Variants in UBAC2 observed in about 807,000 individuals in gnomAD.
UBAC2 encodes the protein ubiquitin-associated domain-containing protein 2.
Under a neutral mutation model 44.0 loss-of-function variants are expected in UBAC2, and 26 were observed. That is an observed-to-expected ratio of 0.59 (90% confidence interval 0.43 to 0.82). The LOEUF is 0.82. Ranked by LOEUF, UBAC2 falls within the 40% of genes least tolerant of loss-of-function variation. The probability of loss-of-function intolerance (pLI) is 0.00; values close to 1 mark genes in which losing one functional copy is unlikely to be tolerated. For missense variants in UBAC2, 329 were observed against 419.4 expected (o/e 0.78, Z 1.88); for synonymous variants, 155 against 154.3 (o/e 1.00, Z -0.04).
intron 6 of UBAC2, among the ~76,000 whole-genome samples, chr13:99,326,533 T>A (rs2044642979): frequency 6.6e-6 from 1 of 152,194 alleles, no homozygotes; most frequent in South Asian, 2.1e-4. Flanking sequence ...CTTAATATTA[T>A]CAAAAAATAA....
chr13:99,210,222 G>A (rs1052863148), intron 1 of UBAC2, among the ~76,000 whole-genome samples: 5 of 152,120 alleles, frequency 3.3e-5, no homozygotes, highest in African/African-American at 1.2e-4. Context: ...AAATGAGTAC[G>A]TGTTCATCAG....
chr13:99,378,065 G>A (rs1177272952), intron 8 of UBAC2, among the ~76,000 whole-genome samples: 1 of 152,148 alleles, frequency 6.6e-6, no homozygotes, highest in African/African-American at 2.4e-5. Flanking sequence ...TAGTCCTTCA[G>A]TAAGCCCATC....
intron 4 of UBAC2, among the ~76,000 whole-genome samples, chr13:99,267,624 C>T (rs1282928522): frequency 6.6e-6 from 1 of 152,174 alleles, no homozygotes; most frequent in South Asian, 2.1e-4. Flanking sequence ...CTTCCACTTG[C>T]TACTGCTGCT....
chr13:99,338,047 C>CTTTTTTTTTTTTTTTTT lies in UBAC2; in HGVS notation c.562-2261_562-2245dup, dbSNP rs869112086. Reference sequence around the variant, plus strand: ...ATCTCCTAACTTTTTTTCTTTTTTTCTTTTTTTTTTTTTTTTTTTTTTTTT... The same window carrying CTTTTTTTTTTTTTTTTT: ...ATCTCCTAACTTTTTTTCTTTTTTTCTTTTTTTTTTTTTTTTTTTTTTTTTTTTTTTTTTTTTTTTTT... On this transcript the variant is annotated intron_variant, in intron 6 of 8. Coordinates refer to ENST00000403766, the MANE Select transcript of UBAC2 (RefSeq NM_001144072.2). Among the ~76,000 whole-genome samples, 231 of 48,870 alleles carry CTTTTTTTTTTTTTTTTT rather than the reference C, an allele frequency of 4.7e-3. 24 individuals are homozygous for CTTTTTTTTTTTTTTTTT. Among genetic ancestry groups the CTTTTTTTTTTTTTTTTT allele is most frequent in the African/African-American group, 8.7e-3 (123 of 14,114 alleles). 32.1% of individuals were successfully genotyped at this position (48,870 alleles called of 152,430 possible).
chr13:99,352,885 A>G (rs554990376), intron 7 of UBAC2, among the ~76,000 whole-genome samples: 2 of 152,180 alleles, frequency 1.3e-5, no homozygotes, highest in East Asian at 1.9e-4. Context: ...CTCCGTCTCC[A>G]CCCCTGTGTC....
intron 4 of UBAC2, among the ~76,000 whole-genome samples, chr13:99,245,897 G>A (rs1015016583): frequency 5.9e-5 from 9 of 152,110 alleles, no homozygotes; most frequent in African/African-American, 1.9e-4. Context: ...TAGAATCTAG[G>A]AGCAGAGTTG....
chr13:99,368,238 T>C (rs1468429858), intron 8 of UBAC2, among the ~76,000 whole-genome samples: 1 of 152,034 alleles, frequency 6.6e-6, no homozygotes, highest in Non-Finnish European at 1.5e-5. Flanking sequence ...GGGGAGGGAG[T>C]GTGCCTTTGG....
intron 1 of UBAC2, among the ~76,000 whole-genome samples, chr13:99,202,072 CAAAAAAAAAA>C (rs776251286): frequency 1.4e-5 from 1 of 71,974 alleles, no homozygotes; most frequent in African/African-American, 5.5e-5. Context: ...GACTCCATCT[CAAAAAAAAAA>C]AAAAAAAAAA....
intron 4 of UBAC2, among the ~76,000 whole-genome samples, chr13:99,257,267 T>C (rs1338915352): frequency 6.6e-6 from 1 of 152,230 alleles, no homozygotes; most frequent in Non-Finnish European, 1.5e-5. Flanking sequence ...AGAAAAATTA[T>C]ATCTCTAGTG....
rs542276935 is a variant in UBAC2 at position 99,295,689 on chromosome 13, T to C, written c.390-18408T>C. 2.7e-4 allele frequency: 432 copies of C among 1,614,176 alleles called. 6 individuals are homozygous for C. The South Asian group carries it at 4.6e-3, about 17-fold the overall frequency. On this transcript the variant is annotated intron_variant, in intron 4 of 8. Transcript: ENST00000403766. The surrounding 1 kb of genome is among the most constrained non-coding windows in gnomAD (Gnocchi z 4.1). ...GCAAATACTAGAATCCAGACAAATA[T>C]GCACACGCCTTTTGCATGTTCAATC...
chr13:99,268,687 A>C (rs567020871), intron 4 of UBAC2, among the ~76,000 whole-genome samples: 4 of 150,438 alleles, frequency 2.7e-5, no homozygotes, highest in Non-Finnish European at 4.4e-5. Context: ...CTTTCTCTTG[A>C]GTCTTAAAAA....
intron 8 of UBAC2, among the ~76,000 whole-genome samples, chr13:99,371,018 A>G (rs753865190): frequency 1.3e-5 from 2 of 152,242 alleles, no homozygotes; most frequent in African/African-American, 4.8e-5. Context: ...TACAGCAGTG[A>G]GTCACATCCC....
intron 8 of UBAC2, among the ~76,000 whole-genome samples, chr13:99,383,474 C>A (rs2045577719): frequency 6.6e-6 from 1 of 152,364 alleles, no homozygotes; most frequent in African/African-American, 2.4e-5. Flanking sequence ...CTTTGCTCTA[C>A]GCTGTCCACC....
rs997491839 is a variant in UBAC2 at position 99,385,613 on chromosome 13, A to C, written c.*278A>C. 1 of 390,130 alleles carries C rather than the reference A, an allele frequency of 2.6e-6. No homozygotes were observed. 24.2% of individuals were successfully genotyped at this position (390,130 alleles called of 1,614,324 possible). On this transcript the variant is annotated 3_prime_UTR_variant, in exon 9 of 9. Transcript: ENST00000403766. ...CTCGTTTTGAATGTGTTTAAAATGC[A>C]TTAAAATGGAAGATTTCTGCAGGCA...
At chr13:99,357,360 A>G (rs2045202208) in intron 7 of UBAC2, among the ~76,000 whole-genome samples, 1 of 152,214 alleles carries the variant, frequency 6.6e-6, no homozygotes, top group Admixed American at 6.5e-5. Context: ...TAAGTCTAAC[A>G]AGATGCCTCT....
At chr13:99,284,642 C>G (rs867690369) in intron 4 of UBAC2, among the ~76,000 whole-genome samples, 1 of 152,130 alleles carries the variant, frequency 6.6e-6, no homozygotes, top group South Asian at 2.1e-4. Flanking sequence ...CAAATAATGT[C>G]CTTTATGGCA....
At chr13:99,209,016 T>G (rs2042908725) in intron 1 of UBAC2, among the ~76,000 whole-genome samples, 1 of 152,256 alleles carries the variant, frequency 6.6e-6, no homozygotes, top group Admixed American at 6.5e-5. Context: ...GGGGCACTGT[T>G]GTTTGAACCT....
At chr13:99,318,800 C>T (rs865830728) in intron 6 of UBAC2, among the ~76,000 whole-genome samples, 8 of 119,782 alleles carry the variant, frequency 6.7e-5, no homozygotes, top group Admixed American at 1.1e-4. Context: ...CCAGCCTGGG[C>T]GACAGAGTGA....
At chr13:99,297,310 A>G (rs2044191031) in intron 4 of UBAC2, among the ~76,000 whole-genome samples, 1 of 152,192 alleles carries the variant, frequency 6.6e-6, no homozygotes, top group Non-Finnish European at 1.5e-5. Context: ...CTGTGTGTAC[A>G]TAAATCTCAC....
Sources: gnomAD v4.1 joint callset for allele counts (sites outside exome capture counted in the v4.1 genomes callset) on GRCh38, gnomAD v4.1.1 for gene constraint, Gnocchi (gnomAD v3.1) non-coding constraint, MANE v1.5 for transcripts, NCBI Gene and HGNC (gene_info 2026-07-23, HGNC 2026-07-21) for gene names.